The following FYTTD1 variants were observed in gnomAD, a reference collection of about 807,000 sequenced individuals.
FYTTD1 encodes forty-two-three domain containing 1.
Under a neutral mutation model 40.9 loss-of-function variants are expected in FYTTD1, and 22 were observed. The observed-to-expected ratio is 0.54, with a 90% CI of 0.38 to 0.77. The LOEUF (loss-of-function observed/expected upper bound fraction) is 0.77. FYTTD1 is among the 30% of genes least tolerant of loss of function. The pLI is 0.00. For missense variants in FYTTD1, 351 were observed against 392.2 expected, an observed-to-expected ratio of 0.90 and a Z score of 0.89; for synonymous variants, 140 against 137.9, an observed-to-expected ratio of 1.01 and a Z score of -0.10.
intron 1 of FYTTD1, among the ~76,000 whole-genome samples, chr3:197,753,588 T>C: frequency 6.6e-6 from 1 of 152,102 alleles, no homozygotes; most frequent in Non-Finnish European, 1.5e-5. Context: ...GAGAAAGCCG[T>C]TTTCTTTTTT....
intron 2 of FYTTD1, among the ~76,000 whole-genome samples, chr3:197,766,753 G>A (rs368099420): frequency 1.3e-5 from 2 of 152,020 alleles, no homozygotes; most frequent in African/African-American, 4.8e-5. Context: ...TGCAGTACAG[G>A]ATTAGTGTAG....
At chr3:197,779,823 A>AC (rs1350243560) in intron 8 of FYTTD1, among the ~76,000 whole-genome samples, 1 of 144,610 alleles carries the variant, frequency 6.9e-6, no homozygotes, top group East Asian at 2.1e-4. Context: ...ATGCAGGCAC[A>AC]CACCATACCT....
At chr3:197,765,758 A>T (rs1729524966) in intron 2 of FYTTD1, among the ~76,000 whole-genome samples, 1 of 152,074 alleles carries the variant, frequency 6.6e-6, no homozygotes, top group Non-Finnish European at 1.5e-5. Context: ...GCACTCTCGG[A>T]GGCTGAGGCG....
At chr3:197,776,380 ATTTGTTTTTTT>A (rs1255286439) in intron 6 of FYTTD1, among the ~76,000 whole-genome samples, 3 of 117,568 alleles carry the variant, frequency 2.6e-5, no homozygotes, top group Admixed American at 1.8e-4. Context: ...CCCAGCTTAA[ATTTGTTTTTTT>A]TTTTTTTTTT....
At chr3:197,759,449 GTA>G (rs1291985354) in intron 2 of FYTTD1, among the ~76,000 whole-genome samples, 1 of 151,770 alleles carries the variant, frequency 6.6e-6, no homozygotes, top group African/African-American at 2.4e-5. Context: ...GTGGTAGAAT[GTA>G]TAGAGTGTTC....
chr3:197,776,503 G>A (rs1729880226), intron 6 of FYTTD1, among the ~76,000 whole-genome samples: 1 of 149,834 alleles, frequency 6.7e-6, no homozygotes, highest in African/African-American at 2.5e-5. Flanking sequence ...GATTACAGGT[G>A]TGAGCCAGTG....
chr3:197,776,195 C>T (rs1296503504), intron 6 of FYTTD1, among the ~76,000 whole-genome samples: 1 of 151,060 alleles, frequency 6.6e-6, no homozygotes, highest in African/African-American at 2.4e-5. Flanking sequence ...AATCTTTATT[C>T]ATCATAGCAA....
intron 2 of FYTTD1, among the ~76,000 whole-genome samples, chr3:197,762,070 A>G (rs769532332): frequency 1.3e-5 from 2 of 152,296 alleles, no homozygotes; most frequent in East Asian, 1.9e-4. Context: ...CACTAATCCC[A>G]TTCATGGTGG....
At position 197,781,865 on chromosome 3, in the gene FYTTD1, C is replaced by A; in HGVS notation, c.913C>A (p.Leu305Ile). The change falls in exon 9 of 9, where the codon CTC (leucine) becomes ATC (isoleucine). Residue 305 changes from leucine (L) to isoleucine (I), a missense_variant. Transcript: ENST00000241502. Reference protein sequence around the residue: ...FGILKEQRATLTYNKGGSRFV... With the variant: ...FGILKEQRATITYNKGGSRFV... The stretch of plus-strand genomic sequence containing the variant: ...GATCCTGAAGGAACAAAGAGCCACT[C>A]TCACATACAACAAAGGGGGAAGCCG... The A allele has an allele frequency of 3.7e-6, 6 of 1,610,418 alleles. No homozygotes were observed. Among genetic ancestry groups the A allele is most frequent in the South Asian group, 1.1e-5 (1 of 90,472 alleles).
At chr3:197,755,835 G>A (rs1455512289) in intron 1 of FYTTD1, 2 of 1,550,988 alleles carry the variant, frequency 1.3e-6, no homozygotes, top group Non-Finnish European at 1.7e-6. Flanking sequence ...ATTATGGGAA[G>A]TAAGTAGGAA....
chr3:197,756,620 T>A, intron 2 of FYTTD1, 63 bp downstream of exon 2: 1 of 1,409,580 alleles, frequency 7.1e-7, no homozygotes, highest in Non-Finnish European at 1.0e-6. Flanking sequence ...TGTACTGTCT[T>A]TAGCATATGC....
Position 197,759,503 on chromosome 3 carries a change from T to C in FYTTD1, c.235+2946T>C, listed in dbSNP as rs146295441. Among the ~76,000 whole-genome samples, 122 of 150,286 alleles carry C rather than the reference T, an allele frequency of 8.1e-4. 1 individual carries two copies. The highest frequency in any genetic ancestry group is 1.7e-3 in the African/African-American group (68 of 40,778). On this transcript the variant is annotated intron_variant, in intron 2 of 8. Transcript: ENST00000241502. ...GTGGAGTTGTTCCTCAGTGGTAGAA[T>C]GTATGGAGTTGTTCCTCAGTGGTAG...
intron 1 of FYTTD1, among the ~76,000 whole-genome samples, chr3:197,751,307 G>A (rs1287111710): frequency 2.6e-5 from 4 of 152,222 alleles, no homozygotes; most frequent in Non-Finnish European, 5.9e-5. Flanking sequence ...TTGGCCTCAA[G>A]TCTTGCCTTG....
chr3:197,768,987 A>G (rs1221243770), intron 3 of FYTTD1, among the ~76,000 whole-genome samples: 1 of 151,094 alleles, frequency 6.6e-6, no homozygotes, highest in East Asian at 1.9e-4. Context: ...CTGGTCTCGA[A>G]CTCCTGACCT....
chr3:197,783,133 T>TG lies in FYTTD1; in HGVS notation c.*1227dup, dbSNP rs893315427. 27 of 152,538 alleles carry TG rather than the reference T, an allele frequency of 1.8e-4. No individual in the cohort carries two copies. Among genetic ancestry groups the TG allele is most frequent in the African/African-American group, 5.5e-4 (23 of 41,500 alleles). The allele number at this position is 152,538 out of a possible 1,614,324, so 9.4% of individuals were successfully genotyped here. A position where few individuals can be genotyped will look rare whatever the true frequency, so the allele number is the denominator to read the frequency against. ...CCGCCACCTGCCACCTCTGACGGAG[T>TG]GGGAGAAGTTAGTCTGTGCTAAGAT... On this transcript the variant is annotated 3_prime_UTR_variant, in exon 9 of 9. Transcript: ENST00000241502.
At chr3:197,779,719 C>T (rs1453747067) in intron 8 of FYTTD1, among the ~76,000 whole-genome samples, 1 of 149,506 alleles carries the variant, frequency 6.7e-6, no homozygotes, top group Non-Finnish European at 1.5e-5. Context: ...CACACACCAC[C>T]ACACCTGAGG....
chr3:197,774,317 T>G, intron 6 of FYTTD1, 107 bp downstream of exon 6: 2 of 934,154 alleles, frequency 2.1e-6, no homozygotes, highest in Non-Finnish European at 3.4e-6. Flanking sequence ...AAACCCAAAA[T>G]AAAATTCAGT....
upstream of FYTTD1, chr3:197,749,836 G>A: frequency 3.8e-6 from 2 of 521,142 alleles, no homozygotes; most frequent in Non-Finnish European, 6.4e-6. Flanking sequence ...CCCGCCCGCA[G>A]CCGCGGGTGG....
chr3:197,751,336 C>A (rs903573276), intron 1 of FYTTD1, among the ~76,000 whole-genome samples: 2 of 152,182 alleles, frequency 1.3e-5, no homozygotes, highest in Non-Finnish European at 2.9e-5. Context: ...TAGTAGTGAG[C>A]TTGTAAGAAA....
Sources: gnomAD v4.1 joint callset for allele counts (sites outside exome capture counted in the v4.1 genomes callset) on GRCh38, gnomAD v4.1.1 for gene constraint, MANE v1.5 for transcripts, NCBI Gene and HGNC (gene_info 2026-07-23, HGNC 2026-07-21) for gene names.